LOXL4: variants seen among roughly 807,000 people sequenced by gnomAD.
LOXL4 encodes lysyl oxidase like 4.
Under a neutral mutation model 89.1 loss-of-function variants are expected in LOXL4, and 72 were observed. That is an observed-to-expected ratio of 0.81 (90% CI 0.67 to 0.98). LOXL4 has a LOEUF of 0.98. Among genes scored for constraint, LOXL4 ranks in the 50% least tolerant of loss-of-function variants. The pLI is 0.00. For missense variants in LOXL4, 984 were observed against 1,017.5 expected, an observed-to-expected ratio of 0.97 and a Z score of 0.45; for synonymous variants, 355 against 392.1, an observed-to-expected ratio of 0.91 and a Z score of 1.12.
intron 8 of LOXL4, 106 bp from the exon 9 acceptor site, chr10:98,257,053 C>A: frequency 1.5e-6 from 2 of 1,322,634 alleles, no homozygotes; most frequent in Non-Finnish European, 2.0e-6. Flanking sequence ...TCACCCTAGA[C>A]AAGACAGTCC....
intron 1 of LOXL4, among the ~76,000 whole-genome samples, chr10:98,264,726 C>CAG (rs1858636780): frequency 6.6e-6 from 1 of 152,086 alleles, no homozygotes; most frequent in Non-Finnish European, 1.5e-5. Context: ...CTGTCAGAGA[C>CAG]CTCTGGAGCC....
Position 98,251,552 on chromosome 10 carries a change from C to A in LOXL4, c.2088+14G>T. On this transcript the variant is annotated intron_variant, in intron 13 of 14. Transcript: ENST00000260702. ...GGAAATCAGGCTCTGTGGGGAATCC[C>A]CCAGCCGCCTTACCTGGAAGATATA... The A allele has an allele frequency of 6.2e-7, 1 of 1,613,402 alleles. No individual in the cohort carries two copies.
At chr10:98,253,080 C>A (rs1041552585) in intron 11 of LOXL4, among the ~76,000 whole-genome samples, 2 of 152,202 alleles carry the variant, frequency 1.3e-5, no homozygotes, top group African/African-American at 2.4e-5. Context: ...TGTTCATTGT[C>A]ACTTTTTTAG....
chr10:98,251,576 T>C lies in LOXL4; in HGVS notation c.2078A>G (p.Tyr693Cys), dbSNP rs912612929. Residue 693 changes from tyrosine to cysteine, a missense_variant, in exon 13 of 15, where the codon TAT (tyrosine) becomes TGT (cysteine). Physicochemically the swap from Tyr to Cys is radical, Grantham distance 194 (BLOSUM62 -2). Coordinates refer to ENST00000260702, the MANE Select transcript of LOXL4 (RefSeq NM_032211.7). ...CCCCAGCCGCCTTACCTGGAAGATA[T>C]AATTCCCGGGGCCCACATCTGTGAT... ...VDITDVGPGN[Y>C]IFQVIVNPHY... The C allele has an allele frequency of 2.5e-6, 4 of 1,614,052 alleles. No homozygotes were observed. The highest frequency in any genetic ancestry group is 1.3e-5 in the African/African-American group (1 of 74,932).
At position 98,253,668 on chromosome 10, in the gene LOXL4, A is replaced by G; in HGVS notation, c.1720T>C (p.Trp574Arg). Residue 574 changes from tryptophan (W) to arginine (R), a missense_variant, in exon 11 of 15, where the codon TGG becomes CGG. By Grantham distance (101) the Trp-to-Arg change is moderately radical (BLOSUM62 -3). Transcript: ENST00000260702. ...AATAGGCGGCGGTATCCGTAGGGCC[A>G]GTCCATGTGATCCGCAGACTTGGAG... ...CLSKSADHMD[W>R]PYGYRRLLRF... 3 of 1,614,272 alleles carry G rather than the reference A, an allele frequency of 1.9e-6. No homozygotes were observed. Among genetic ancestry groups the G allele is most frequent in the Non-Finnish European group, 2.5e-6 (3 of 1,180,054 alleles).
intron 9 of LOXL4, 149 bp from the exon 10 acceptor site, chr10:98,255,888 T>C: frequency 1.2e-6 from 1 of 853,040 alleles, no homozygotes; most frequent in Non-Finnish European, 1.8e-6. Flanking sequence ...CCGAATTCCC[T>C]GGGGCAGTCC....
chr10:98,259,020 A>T lies in LOXL4; in HGVS notation c.910T>A (p.Ser304Thr). The change falls in exon 6 of 15, where the codon TCC (serine) becomes ACC (threonine). Residue 304 changes from serine (S) to threonine (T), a missense_variant. Physicochemically the swap from Ser to Thr is moderately conservative, Grantham distance 58. Coordinates refer to ENST00000260702, the MANE Select transcript of LOXL4 (RefSeq NM_032211.7). ...TGCCCAGGGCTCACCTCTGCCCAGG[A>T]CCCTTTGCGTTGTGGCTTTGTCTTC... ...PPKTKPQRKGSWAEEPRVRLR... is the reference protein window; with the variant it reads ...PPKTKPQRKGTWAEEPRVRLR... 1 of 1,544,278 alleles carries T rather than the reference A, an allele frequency of 6.5e-7. No individual in the cohort carries two copies. The highest frequency in any genetic ancestry group is 8.7e-7 in the Non-Finnish European group (1 of 1,144,192).
At chr10:98,257,439 G>A (rs1858410220) in intron 8 of LOXL4, among the ~76,000 whole-genome samples, 1 of 152,186 alleles carries the variant, frequency 6.6e-6, no homozygotes, top group South Asian at 2.1e-4. Flanking sequence ...ACGGGTATGG[G>A]AGAGCACATC....
intron 10 of LOXL4, 62 bp from the exon 11 acceptor site, chr10:98,253,858 C>A (rs1858283605): frequency 6.2e-7 from 1 of 1,602,434 alleles, no homozygotes; most frequent in East Asian, 2.2e-5. Context: ...TCTTAGTCTC[C>A]AGCACAGAGG....
chr10:98,258,173 A>G lies in LOXL4; in HGVS notation c.922-9T>C. ...AGGCGCACCCTCGGCTCCTGCTGGG[A>G]GAAACCTGCTTCAGGGACGGCTGAG... is the stretch of plus-strand genomic sequence containing the variant. On this transcript the variant is annotated splice_polypyrimidine_tract_variant and intron_variant, in intron 6 of 14. Transcript: ENST00000260702. 2 of 1,605,578 alleles carry G rather than the reference A, an allele frequency of 1.2e-6. No homozygotes were observed. The highest frequency in any genetic ancestry group is 1.7e-6 in the Non-Finnish European group (2 of 1,174,644).
chr10:98,262,638 G>T, intron 2 of LOXL4, 105 bp downstream of exon 2: 1 of 1,375,630 alleles, frequency 7.3e-7, no homozygotes, highest in Non-Finnish European at 1.0e-6. Context: ...TGTGGAGGAG[G>T]TCACATGAGC....
At chr10:98,249,104 T>C in intron 14 of LOXL4, 113 bp from the exon 15 acceptor site, 1 of 780,782 alleles carries the variant, frequency 1.3e-6, no homozygotes, top group Non-Finnish European at 2.2e-6. Flanking sequence ...AGTCATGGCA[T>C]GGGCACAGAC....
chr10:98,256,510 A>G (rs1432625953), intron 9 of LOXL4: 1 of 497,674 alleles, frequency 2.0e-6, no homozygotes, highest in African/African-American at 1.9e-5. Flanking sequence ...GGGCTTTTGC[A>G]TAAGCTATTC....
At chr10:98,262,321 A>C in intron 2 of LOXL4, 108 bp from the exon 3 acceptor site, 2 of 1,188,642 alleles carry the variant, frequency 1.7e-6, no homozygotes, top group Non-Finnish European at 2.4e-6. Flanking sequence ...AAACCCTGGG[A>C]GAAAGTGGCA....
At chr10:98,263,603 G>A (rs776015658) in intron 1 of LOXL4, among the ~76,000 whole-genome samples, 4 of 152,154 alleles carry the variant, frequency 2.6e-5, no homozygotes, top group African/African-American at 9.7e-5. Flanking sequence ...GAAGGCACAT[G>A]GAAGGCTGGA....
At chr10:98,254,689 C>CT (rs1554860497) in intron 10 of LOXL4, among the ~76,000 whole-genome samples, 1 of 152,190 alleles carries the variant, frequency 6.6e-6, no homozygotes, top group Non-Finnish European at 1.5e-5. Context: ...AGCGCTCCCA[C>CT]TGTAGGCAGT....
chr10:98,257,272 C>T (rs555784781), intron 8 of LOXL4, among the ~76,000 whole-genome samples: 4 of 152,326 alleles, frequency 2.6e-5, no homozygotes, highest in South Asian at 2.1e-4. Flanking sequence ...CCCCTGAGAG[C>T]GTGAACCCCA....
rs756471459 is a variant in LOXL4 at position 98,262,830 on chromosome 10, T to G, written c.190A>C (p.Ile64Leu). ...CGGCAAGCCACTGTGGCCTCCTGGA[T>G]AGCAAAGTTGTCATCACACACGGTG... The part of the protein sequence containing the change: ...WGTVCDDNFA[I>L]QEATVACRQL... Residue 64 changes from isoleucine to leucine, a missense_variant, in exon 2 of 15, where the codon ATC becomes CTC. Ile to Leu is a conservative substitution (Grantham distance 5, BLOSUM62 2). Coordinates refer to ENST00000260702, the MANE Select transcript of LOXL4 (RefSeq NM_032211.7). 1 of 1,613,704 alleles carries G rather than the reference T, an allele frequency of 6.2e-7. No individual in the cohort carries two copies. The highest frequency in any genetic ancestry group is 1.7e-5 in the Admixed American group (1 of 60,016).
intron 3 of LOXL4, 42 bp downstream of exon 3, chr10:98,261,993 C>A: frequency 6.5e-7 from 1 of 1,548,744 alleles, no homozygotes; most frequent in Non-Finnish European, 8.7e-7. Flanking sequence ...TGTTCTCTGA[C>A]CCAGCCCTTG....
Sources: allele counts gnomAD v4.1 joint callset (sites outside exome capture counted in the v4.1 genomes callset), GRCh38; gene constraint gnomAD v4.1.1; transcripts MANE v1.5; gene names NCBI Gene and HGNC (gene_info 2026-07-23, HGNC 2026-07-21).